The following CRYBG1 variants were observed in gnomAD, a reference collection of about 807,000 sequenced individuals.
The protein encoded by CRYBG1 is beta/gamma crystallin domain-containing protein 1.
Under a neutral mutation model 189.2 loss-of-function variants are expected in CRYBG1, and 139 were observed. The ratio of observed to expected loss-of-function variants is 0.73; its 90% CI spans 0.64 to 0.85. The LOEUF is 0.85. Ranked by LOEUF, CRYBG1 falls within the 40% of genes least tolerant of loss-of-function variation. The pLI, the probability that CRYBG1 is intolerant of heterozygous loss-of-function variation, is 0.00. For missense variants in CRYBG1, 2,611 were observed against 2,675.8 expected, an observed-to-expected ratio of 0.98 and a Z score of 0.53; for synonymous variants, 1,023 against 1,017.1, an observed-to-expected ratio of 1.01 and a Z score of -0.11.
chr6:106,368,180 G>A (rs573384792), intron 1 of CRYBG1, among the ~76,000 whole-genome samples: 1 of 152,084 alleles, frequency 6.6e-6, no homozygotes, highest in Admixed American at 6.5e-5. Context: ...TTGGGAGGTG[G>A]AGGCAGGTGG....
chr6:106,497,336 A>G (rs979080698), intron 2 of CRYBG1, among the ~76,000 whole-genome samples: 16 of 152,138 alleles, frequency 1.1e-4, no homozygotes, highest in Admixed American at 3.3e-4. Flanking sequence ...ATTCACCCCA[A>G]CGAGAGGAAG....
At chr6:106,379,841 A>G (rs906561227) in intron 1 of CRYBG1, among the ~76,000 whole-genome samples, 3 of 152,170 alleles carry the variant, frequency 2.0e-5, no homozygotes, top group African/African-American at 4.8e-5. Context: ...TGGCCTCCCA[A>G]CATGCTGGGA....
At chr6:106,513,122 T>C in intron 3 of CRYBG1, 83 bp downstream of exon 3, 13 of 1,460,698 alleles carry the variant, frequency 8.9e-6, no homozygotes, top group Admixed American at 2.2e-5. Context: ...GGTATCTGCA[T>C]TGTGGAAGAA....
chr6:106,378,125 C>A (rs1770207774), intron 1 of CRYBG1, among the ~76,000 whole-genome samples: 1 of 152,174 alleles, frequency 6.6e-6, no homozygotes, highest in African/African-American at 2.4e-5. Context: ...ACCCCCCGGT[C>A]ATCCCTCACA....
intron 2 of CRYBG1, among the ~76,000 whole-genome samples, chr6:106,495,804 C>A (rs1772834595): frequency 1.5e-5 from 2 of 129,718 alleles, no homozygotes; most frequent in Admixed American, 8.4e-5. Context: ...TTATTTAATC[C>A]TTTTTTTCCT....
intron 2 of CRYBG1, among the ~76,000 whole-genome samples, chr6:106,467,528 C>A (rs1391690376): frequency 2.0e-5 from 3 of 151,956 alleles, no homozygotes; most frequent in Non-Finnish European, 2.9e-5. Context: ...AAAATAAATT[C>A]TTCATAAAGG....
At chr6:106,514,332 T>C (rs1773369713) in intron 3 of CRYBG1, among the ~76,000 whole-genome samples, 1 of 152,242 alleles carries the variant, frequency 6.6e-6, no homozygotes, top group Non-Finnish European at 1.5e-5. Flanking sequence ...TTTAACAACA[T>C]TATCATTATA....
chr6:106,541,729 C>CT, intron 10 of CRYBG1, 108 bp downstream of exon 10: 2 of 805,902 alleles, frequency 2.5e-6, no homozygotes, highest in Non-Finnish European at 3.9e-6. Flanking sequence ...GAAGATATTG[C>CT]TTATGTGACT....
At chr6:106,449,839 G>C (rs1000588549) in intron 1 of CRYBG1, among the ~76,000 whole-genome samples, 17 of 152,080 alleles carry the variant, frequency 1.1e-4, no homozygotes, top group African/African-American at 3.9e-4. Flanking sequence ...TACTTTCATA[G>C]TATGAAACTA....
chr6:106,541,074 C>T (rs1019506817), intron 9 of CRYBG1: 4 of 319,688 alleles, frequency 1.3e-5, no homozygotes, highest in Middle Eastern at 1.0e-3. Flanking sequence ...ATAATAGTTT[C>T]GTAAGCCCTG....
chr6:106,541,458 C>G (rs577473076), intron 9 of CRYBG1, 128 bp from the exon 10 acceptor site: 2 of 905,920 alleles, frequency 2.2e-6, no homozygotes, highest in African/African-American at 3.3e-5. Context: ...AACTATCTCA[C>G]GTAAGTTAAA....
intron 2 of CRYBG1, among the ~76,000 whole-genome samples, chr6:106,460,132 G>A (rs919111142): frequency 2.1e-5 from 3 of 144,846 alleles, no homozygotes; most frequent in South Asian, 2.2e-4. Context: ...GACTACAGGC[G>A]CCCGCCACCA....
At chr6:106,482,573 A>G (rs1249424041) in intron 2 of CRYBG1, among the ~76,000 whole-genome samples, 5 of 152,246 alleles carry the variant, frequency 3.3e-5, no homozygotes, top group Admixed American at 2.0e-4. Flanking sequence ...CAGGAGATCG[A>G]GACCATCCTG....
chr6:106,566,464 CTTTTT>C lies in CRYBG1; in HGVS notation c.6302-1987_6302-1983del, dbSNP rs34773477. Among the ~76,000 whole-genome samples the C allele has an allele frequency of 1.4e-4, 10 of 71,672 alleles. No homozygotes were observed. In the Admixed American group the frequency reaches 1.7e-3, roughly 12 times the overall value. 47.0% of individuals were successfully genotyped at this position (71,672 alleles called of 152,430 possible). On this transcript the variant is annotated intron_variant, in intron 21 of 21. Transcript: ENST00000633556. ...TATCTAGCACGGTAGCAACAACAGT[CTTTTT>C]TTTTTTTTTTTTTTTTTTTTGAGAC...
intron 1 of CRYBG1, among the ~76,000 whole-genome samples, chr6:106,421,353 G>C (rs1771118925): frequency 6.6e-6 from 1 of 152,174 alleles, no homozygotes; most frequent in African/African-American, 2.4e-5. Context: ...TTTCAAGTCT[G>C]GGTGATGCAT....
intron 2 of CRYBG1, among the ~76,000 whole-genome samples, chr6:106,484,653 C>G (rs1217396416): frequency 2.0e-5 from 3 of 152,088 alleles, no homozygotes; most frequent in African/African-American, 7.2e-5. Flanking sequence ...ATTACTTTGG[C>G]TACTCAGGTT....
At chr6:106,446,181 T>C (rs543823805) in intron 1 of CRYBG1, among the ~76,000 whole-genome samples, 1 of 152,374 alleles carries the variant, frequency 6.6e-6, no homozygotes, top group African/African-American at 2.4e-5. Context: ...GGAAAGAGGT[T>C]GCTCAGTAAA....
rs1318360686 is a variant in CRYBG1, at chr6:106,376,231, TTTTG to T, written c.173+15154_173+15157del. On this transcript the variant is annotated intron_variant, in intron 1 of 21. Coordinates refer to ENST00000633556, the MANE Select transcript of CRYBG1 (RefSeq NM_001371242.2). Reference sequence around the variant, plus strand: ...TAATTTAGATGGCTTTTGTATCTCGTTTTGTTTTTCATTTCACATTTTATCATAA... The same window carrying T: ...TAATTTAGATGGCTTTTGTATCTCGTTTTTTCATTTCACATTTTATCATAA... Among the ~76,000 whole-genome samples the T allele has an allele frequency of 3.9e-5, 6 of 152,188 alleles. No homozygotes were observed. The South Asian group carries it at 1.2e-3, about 31-fold the overall frequency.
At chr6:106,402,330 G>T (rs560614138) in intron 1 of CRYBG1, among the ~76,000 whole-genome samples, 1 of 61,864 alleles carries the variant, frequency 1.6e-5, no homozygotes. Context: ...AAAAGAGCCC[G>T]CATCACCAAG....
Sources: gnomAD v4.1 joint callset for allele counts (sites outside exome capture counted in the v4.1 genomes callset) on GRCh38, gnomAD v4.1.1 for gene constraint, MANE v1.5 for transcripts, NCBI Gene and HGNC (gene_info 2026-07-23, HGNC 2026-07-21) for gene names.